The following DNM1 variants were observed in gnomAD, a reference collection of about 807,000 sequenced individuals.
The protein encoded by DNM1 is dynamin 1.
In DNM1, 29 loss-of-function variants were observed where a neutral mutation model predicts 104.6. The ratio of observed to expected loss-of-function variants is 0.28; its 90% CI spans 0.21 to 0.38. The LOEUF is 0.38. Among genes scored for constraint, DNM1 ranks in the 10% least tolerant of loss-of-function variants. DNM1 has a pLI of 1.00. For missense variants in DNM1, 640 were observed against 1,189.4 expected (o/e 0.54, Z 6.79); for synonymous variants, 445 against 475.8 (o/e 0.94, Z 0.84).
At position 128,248,129 on chromosome 9, in the gene DNM1, C is replaced by T. The variant is rs1360636334; in HGVS notation, c.1905+194C>T. ...GGATCACAAGGTCAGGAGTTCGAGACCAGCCTGGCCAACACGGTGAAACCC... is the reference window on the plus strand; with the variant it reads ...GGATCACAAGGTCAGGAGTTCGAGATCAGCCTGGCCAACACGGTGAAACCC... On this transcript the variant is annotated intron_variant, in intron 18 of 21. Coordinates refer to ENST00000372923, the MANE Select transcript of DNM1 (RefSeq NM_004408.4). This position sits in a 1 kb window ranked among gnomAD's most constrained non-coding sequence, Gnocchi z 5.6. 2.9e-6 allele frequency: 2 copies of T among 691,308 alleles called. No individual in the cohort carries two copies. The highest frequency in any genetic ancestry group is 5.1e-6 in the Non-Finnish European group (2 of 395,400). 42.8% of individuals were successfully genotyped at this position (691,308 alleles called of 1,614,324 possible).
intron 10 of DNM1, chr9:128,225,914 T>TG: frequency 1.3e-6 from 1 of 798,736 alleles, no homozygotes. Flanking sequence ...CTCTCTCTCT[T>TG]CCCCCGTGCC....
chr9:128,209,068 C>T (rs117300152), intron 1 of DNM1, among the ~76,000 whole-genome samples: 1,515 of 151,340 alleles, frequency 0.01, 6 homozygotes, highest in Middle Eastern at 0.037. Flanking sequence ...CTGTTAGGGG[C>T]CCTTTGACAC....
In DNM1 at chr9:128,218,234, C is replaced by T; in HGVS notation, c.165C>T (p.Asp55=). 1.2e-6 allele frequency: 2 copies of T among 1,614,098 alleles called. No individual in the cohort carries two copies. Among genetic ancestry groups the T allele is most frequent in the South Asian group, 2.2e-5 (2 of 91,070 alleles). ...TTTGACCTCCAACTCATTGCAGGGA[C>T]TTCTTGCCTCGAGGATCTGGCATTG... The part of the protein sequence containing the change: ...SSVLENFVGR[D]FLPRGSGIVT... The change falls in exon 2 of 22, where the codon GAC becomes GAT. Residue 55 remains aspartate, a synonymous_variant. Transcript: ENST00000372923. This position sits in a 1 kb window ranked among gnomAD's most constrained non-coding sequence, Gnocchi z 4.8.
intron 1 of DNM1, among the ~76,000 whole-genome samples, chr9:128,210,747 G>T (rs1021190789): frequency 6.6e-6 from 1 of 152,060 alleles, no homozygotes; most frequent in African/African-American, 2.4e-5. Context: ...AACAGGCATG[G>T]GTCTCCTGCC....
chr9:128,218,996 C>T lies in DNM1; in HGVS notation c.386-53C>T, dbSNP rs1834781202. On this transcript the variant is annotated intron_variant, in intron 3 of 21. Transcript: ENST00000372923. The surrounding 1 kb of genome is among the most constrained non-coding windows in gnomAD (Gnocchi z 4.8). The stretch of plus-strand genomic sequence containing the variant: ...CTAACCCCGCCCTATTCTTTAACCT[C>T]GCCCGCGGCCACGCCCCTCGCCTTG... The T allele has an allele frequency of 1.9e-6, 3 of 1,595,772 alleles. No homozygotes were observed. Among genetic ancestry groups the T allele is most frequent in the Admixed American group, 3.3e-5 (2 of 59,784 alleles).
Position 128,254,224 on chromosome 9 carries a change from G to C in DNM1, c.2535-430G>C, listed in dbSNP as rs1217122232. ...TAGTTTCACCCTCCTGGTTCAAGCA[G>C]TGTTCTTTCTCTATCAGGCCTGGTG... On this transcript the variant is annotated intron_variant, in intron 21 of 21. Coordinates refer to ENST00000372923, the MANE Select transcript of DNM1 (RefSeq NM_004408.4). This position sits in a 1 kb window ranked among gnomAD's most constrained non-coding sequence, Gnocchi z 6.1. 6 of 1,355,662 alleles carry C rather than the reference G, an allele frequency of 4.4e-6. No individual in the cohort carries two copies. In the East Asian group the frequency reaches 1.8e-4, roughly 41 times the overall value. 84.0% of individuals were successfully genotyped at this position (1,355,662 alleles called of 1,614,324 possible).
chr9:128,218,850 A>G lies in DNM1; in HGVS notation c.385+119A>G. The G allele has an allele frequency of 7.2e-7, 1 of 1,389,970 alleles. No homozygotes were observed. The allele number at this position is 1,389,970 out of a possible 1,614,324, so 86.1% of individuals were successfully genotyped here. ...AATGACCCTGCCTCTGCATCATCCT[A>G]TTCCAAGCTCCACCCTGCCGTGATT... On this transcript the variant is annotated intron_variant, in intron 3 of 21. Coordinates refer to ENST00000372923, the MANE Select transcript of DNM1 (RefSeq NM_004408.4). The surrounding 1 kb of genome is among the most constrained non-coding windows in gnomAD (Gnocchi z 4.8).
chr9:128,206,480 C>T (rs935141382), intron 1 of DNM1, among the ~76,000 whole-genome samples: 1 of 152,138 alleles, frequency 6.6e-6, no homozygotes, highest in African/African-American at 2.4e-5. Flanking sequence ...AGACTCTGCA[C>T]TGCAGAGGGA....
intron 6 of DNM1, among the ~76,000 whole-genome samples, chr9:128,221,484 G>A (rs562370389): frequency 2.7e-4 from 41 of 152,218 alleles, no homozygotes; most frequent in Non-Finnish European, 5.6e-4. Flanking sequence ...GAGATACTGT[G>A]TGGGGGCACC....
At position 128,222,195 on chromosome 9, in the gene DNM1, A is replaced by G; in HGVS notation, c.850-2A>G. 6.2e-7 allele frequency: 1 copy of G among 1,611,700 alleles called. No individual in the cohort carries two copies. The highest frequency in any genetic ancestry group is 2.2e-5 in the East Asian group (1 of 44,870). ...CAACCCTTTCCTCACCCTTACCCCC[A>G]GCAACTGACGAACCACATCCGGGAC... On this transcript the variant is annotated splice_acceptor_variant, in intron 6 of 21. Transcript: ENST00000372923. LOFTEE classifies it high-confidence loss of function. This position sits in a 1 kb window ranked among gnomAD's most constrained non-coding sequence, Gnocchi z 7.8.
rs1836818476 is a variant in DNM1 at position 128,246,440 on chromosome 9, G to A, written c.1718G>A (p.Arg573Gln). 2 of 1,614,110 alleles carry A rather than the reference G, an allele frequency of 1.2e-6. No homozygotes were observed. Among genetic ancestry groups the A allele is most frequent in the Admixed American group, 1.7e-5 (1 of 60,016 alleles). The change falls in exon 16 of 22, where the codon CGG becomes CAG. Residue 573 changes from arginine to glutamine, a missense_variant. Coordinates refer to ENST00000372923, the MANE Select transcript of DNM1 (RefSeq NM_004408.4). ...CTGTCTGTGGACAACCTCAAGCTGC[G>A]GGACGTGGAGAAGGGCTTTATGTCG... ...YMLSVDNLKL[R>Q]DVEKGFMSSK... is the part of the protein sequence containing the mutation.
In DNM1 at chr9:128,254,569, CCCCGGCCGT is replaced by C; in HGVS notation, c.2535-84_2535-76del. 1.3e-6 allele frequency: 2 copies of C among 1,587,268 alleles called. No individual in the cohort carries two copies. The highest frequency in any genetic ancestry group is 2.2e-5 in the South Asian group (2 of 90,702). On this transcript the variant is annotated intron_variant, in intron 21 of 21. Coordinates refer to ENST00000372923, the MANE Select transcript of DNM1 (RefSeq NM_004408.4). The surrounding 1 kb of genome is among the most constrained non-coding windows in gnomAD (Gnocchi z 6.1). The stretch of plus-strand genomic sequence containing the variant: ...CCCACCACTGCTGCGGCGCGGCCGG[CCCCGGCCGT>C]GTGCTGCGCTTGCCTTACCAGCTCT...
chr9:128,252,941 G>T (rs576539081), intron 21 of DNM1: 2 of 730,936 alleles, frequency 2.7e-6, no homozygotes, highest in Non-Finnish European at 4.9e-6. Flanking sequence ...AGGCGTATGC[G>T]TGTTGTTTGT....
chr9:128,212,155 T>C (rs1023942631), intron 1 of DNM1, among the ~76,000 whole-genome samples: 2 of 152,196 alleles, frequency 1.3e-5, no homozygotes, highest in African/African-American at 4.8e-5. Context: ...CCCTGTTAGG[T>C]CCTTCCACAG....
chr9:128,242,772 TC>T (rs1210267771), intron 15 of DNM1, among the ~76,000 whole-genome samples: 1 of 151,150 alleles, frequency 6.6e-6, no homozygotes, highest in Admixed American at 6.6e-5. Flanking sequence ...AAAAAAAGGA[TC>T]CACGGGTGGA....
In DNM1 at chr9:128,218,366, G is replaced by A; in HGVS notation, c.235+62G>A. Reference sequence around the variant, plus strand: ...ACTCCAGCCTCTCCCCCGTCCCCAAGCTGAGGGCCAGCCTGGCCACGAACT... The same window carrying A: ...ACTCCAGCCTCTCCCCCGTCCCCAAACTGAGGGCCAGCCTGGCCACGAACT... On this transcript the variant is annotated intron_variant, in intron 2 of 21. Coordinates refer to ENST00000372923, the MANE Select transcript of DNM1 (RefSeq NM_004408.4). The surrounding 1 kb of genome is among the most constrained non-coding windows in gnomAD (Gnocchi z 4.8). 1 of 1,584,736 alleles carries A rather than the reference G, an allele frequency of 6.3e-7. No individual in the cohort carries two copies. Among genetic ancestry groups the A allele is most frequent in the Non-Finnish European group, 8.7e-7 (1 of 1,153,448 alleles).
rs1398125578 is a variant in DNM1, at chr9:128,203,840, C to T, written c.161+209C>T. Among the ~76,000 whole-genome samples the T allele has an allele frequency of 6.6e-6, 1 of 150,956 alleles. No homozygotes were observed. Among genetic ancestry groups the T allele is most frequent in the Non-Finnish European group, 1.5e-5 (1 of 67,610 alleles). ...GCGCCCCCCGCTAGTCTGCAAACGT[C>T]GTCAAGCCTCCGGCTACCGAATCAC... is the stretch of plus-strand genomic sequence containing the variant. On this transcript the variant is annotated intron_variant, in intron 1 of 21. Transcript: ENST00000372923. The surrounding 1 kb of genome is among the most constrained non-coding windows in gnomAD (Gnocchi z 5.3).
chr9:128,225,870 T>C (rs2131188731), intron 10 of DNM1, among the ~76,000 whole-genome samples: 1 of 151,946 alleles, frequency 6.6e-6, no homozygotes, highest in East Asian at 1.9e-4. Flanking sequence ...CACATTGTCT[T>C]CTGTTCTCTC....
In DNM1 at chr9:128,203,595, C is replaced by A; in HGVS notation, c.125C>A (p.Ala42Asp). 6.4e-7 allele frequency: 1 copy of A among 1,550,790 alleles called. No homozygotes were observed. Reference protein sequence around the residue: ...PQIAVVGGQSAGKSSVLENFV... With the variant: ...PQIAVVGGQSDGKSSVLENFV... ...ATCGCTGTGGTGGGCGGCCAGAGCG[C>A]CGGCAAGAGCTCGGTGCTCGAGAAT... The change falls in exon 1 of 22, where the codon GCC (alanine) becomes GAC (aspartate). Residue 42 changes from alanine (A) to aspartate (D), a missense_variant. Ala to Asp is a moderately radical substitution (Grantham distance 126, BLOSUM62 -2). Coordinates refer to ENST00000372923, the MANE Select transcript of DNM1 (RefSeq NM_004408.4). This position sits in a 1 kb window ranked among gnomAD's most constrained non-coding sequence, Gnocchi z 5.3.
Sources: allele counts gnomAD v4.1 joint callset (sites outside exome capture counted in the v4.1 genomes callset), GRCh38; gene constraint gnomAD v4.1.1; non-coding constraint Gnocchi (gnomAD v3.1); transcripts MANE v1.5; gene names NCBI Gene and HGNC (gene_info 2026-07-23, HGNC 2026-07-21).